The following PCP4 variants were observed in gnomAD, a reference collection of about 807,000 sequenced individuals.
The protein encoded by PCP4 is calmodulin regulator protein PCP4.
Under a neutral mutation model 10.0 loss-of-function variants are expected in PCP4, and 8 were observed. The observed-to-expected ratio is 0.80, with a 90% CI of 0.47 to 1.45. PCP4 has a LOEUF of 1.45. PCP4 is among the 40% of genes most tolerant of loss of function. The pLI is 0.00. For missense variants in PCP4, 54 were observed against 74.4 expected (o/e 0.73, Z 1.01); for synonymous variants, 21 against 23.0 (o/e 0.91, Z 0.24).
At position 39,906,352 on chromosome 21, in the gene PCP4, C is replaced by G. The variant is rs1568858199; in HGVS notation, c.61+7825C>G. Among the ~76,000 whole-genome samples the G allele has an allele frequency of 6.6e-6, 1 of 152,218 alleles. No individual in the cohort carries two copies. The highest frequency in any genetic ancestry group is 1.5e-5 in the Non-Finnish European group (1 of 68,042). Reference sequence around the variant, plus strand: ...GGCTACATCTTAGCCAAACCAGAAACTATTGTATCCATAGTACCATTATCC... The same window carrying G: ...GGCTACATCTTAGCCAAACCAGAAAGTATTGTATCCATAGTACCATTATCC... On this transcript the variant is annotated intron_variant, in intron 2 of 2. Coordinates refer to ENST00000328619, the MANE Select transcript of PCP4 (RefSeq NM_006198.3). This position sits in a 1 kb window ranked among gnomAD's most constrained non-coding sequence, Gnocchi z 6.3.
intron 1 of PCP4, among the ~76,000 whole-genome samples, chr21:39,895,869 T>A (rs1231167046): frequency 6.6e-6 from 1 of 152,188 alleles, no homozygotes; most frequent in Non-Finnish European, 1.5e-5. Context: ...TCTTGGAGAA[T>A]TCCCCCTCTG....
chr21:39,869,323 C>T (rs2087308701), intron 1 of PCP4, among the ~76,000 whole-genome samples: 1 of 152,196 alleles, frequency 6.6e-6, no homozygotes, highest in African/African-American at 2.4e-5. Context: ...GCGCGTGTTC[C>T]AGAGCTCACC....
intron 1 of PCP4, among the ~76,000 whole-genome samples, chr21:39,874,661 C>CT (rs10640411): frequency 0.053 from 7,427 of 140,294 alleles, 514 homozygotes; most frequent in African/African-American, 0.15. Flanking sequence ...TTTTCAAGAT[C>CT]TTTTTTTTTT....
At chr21:39,914,261 C>T (rs1254366119) in intron 2 of PCP4, among the ~76,000 whole-genome samples, 1 of 152,130 alleles carries the variant, frequency 6.6e-6, no homozygotes, top group Non-Finnish European at 1.5e-5. Flanking sequence ...CTCCATTTGC[C>T]TTGGCTTCTA....
At chr21:39,895,053 A>G (rs1352186083) in intron 1 of PCP4, among the ~76,000 whole-genome samples, 2 of 151,880 alleles carry the variant, frequency 1.3e-5, no homozygotes, top group East Asian at 1.9e-4. Context: ...CCATCCATCC[A>G]TCCATTCATC....
chr21:39,875,371 G>T (rs1386264967), intron 1 of PCP4, among the ~76,000 whole-genome samples: 1 of 152,052 alleles, frequency 6.6e-6, no homozygotes, highest in Non-Finnish European at 1.5e-5. Flanking sequence ...ATCTCTGAGG[G>T]GTGACAGCAT....
Position 39,929,148 on chromosome 21 carries a change from A to C in PCP4, c.*37A>C. The C allele has an allele frequency of 6.3e-7, 1 of 1,584,348 alleles. No individual in the cohort carries two copies. The highest frequency in any genetic ancestry group is 1.4e-5 in the African/African-American group (1 of 73,580). ...CCTCCTAGTCCACCTGAAAACACCA[A>C]ATTCAACCATCATCTGTCAAGAAAT... On this transcript the variant is annotated 3_prime_UTR_variant, in exon 3 of 3. Coordinates refer to ENST00000328619, the MANE Select transcript of PCP4 (RefSeq NM_006198.3).
intron 2 of PCP4, among the ~76,000 whole-genome samples, chr21:39,926,701 G>T (rs993971876): frequency 6.6e-6 from 1 of 152,208 alleles, no homozygotes; most frequent in African/African-American, 2.4e-5. Flanking sequence ...TTCTGGGTTT[G>T]CTAGACACTT....
At chr21:39,927,311 T>TATCTATCTATCTATCTATCTATCC (rs1568863742) in intron 2 of PCP4, among the ~76,000 whole-genome samples, 1 of 117,398 alleles carries the variant, frequency 8.5e-6, no homozygotes, top group African/African-American at 2.9e-5. Flanking sequence ...TCTATCTATC[T>TATCTATCTATCTATCTATCTATCC]ATCTATCTAT....
At chr21:39,903,799 C>T (rs909576970) in intron 2 of PCP4, among the ~76,000 whole-genome samples, 7 of 139,644 alleles carry the variant, frequency 5.0e-5, no homozygotes, top group African/African-American at 1.1e-4. Flanking sequence ...ACCTGGGAGG[C>T]GGAGCTTGCA....
At chr21:39,909,603 G>A (rs1302567866) in intron 2 of PCP4, among the ~76,000 whole-genome samples, 5 of 151,740 alleles carry the variant, frequency 3.3e-5, no homozygotes, top group South Asian at 2.1e-4. Context: ...GTGGAAATAC[G>A]TATTGATTGG....
chr21:39,896,695 CATTT>C (rs1408538378), intron 1 of PCP4, among the ~76,000 whole-genome samples: 1 of 152,078 alleles, frequency 6.6e-6, no homozygotes, highest in Non-Finnish European at 1.5e-5. Context: ...AAATCTGGAT[CATTT>C]ACTCTATTTA....
intron 2 of PCP4, among the ~76,000 whole-genome samples, chr21:39,908,420 T>C (rs2087523313): frequency 6.6e-6 from 1 of 152,110 alleles, no homozygotes; most frequent in South Asian, 2.1e-4. Flanking sequence ...TGTTCACACC[T>C]CCACCCAGTC....
chr21:39,902,653 C>T (rs373732760), intron 2 of PCP4, among the ~76,000 whole-genome samples: 4 of 152,100 alleles, frequency 2.6e-5, no homozygotes, highest in African/African-American at 4.8e-5. Flanking sequence ...CACTCAAACC[C>T]GATGTTTCTA....
chr21:39,901,714 A>T (rs1315551143), intron 2 of PCP4, among the ~76,000 whole-genome samples: 1 of 152,234 alleles, frequency 6.6e-6, no homozygotes, highest in African/African-American at 2.4e-5. Context: ...TTGGGTAGAA[A>T]AGTGAATTTG....
intron 2 of PCP4, among the ~76,000 whole-genome samples, chr21:39,927,420 A>G (rs2087630449): frequency 6.6e-6 from 1 of 152,004 alleles, no homozygotes; most frequent in African/African-American, 2.4e-5. Context: ...AGCAGGATAG[A>G]ACAGGCAGGC....
intron 1 of PCP4, among the ~76,000 whole-genome samples, chr21:39,869,009 C>T (rs748929287): frequency 2.6e-4 from 39 of 152,166 alleles, no homozygotes; most frequent in Non-Finnish European, 5.3e-4. Flanking sequence ...CTGCTGGACT[C>T]TACAGATATT....
chr21:39,917,693 G>A lies in PCP4; in HGVS notation c.62-11291G>A, dbSNP rs139250506. Among the ~76,000 whole-genome samples the A allele has an allele frequency of 2.5e-3, 384 of 152,244 alleles. 1 individual carries two copies. The highest frequency in any genetic ancestry group is 4.4e-3 in the Non-Finnish European group (302 of 68,020). ...TTGAATTCAAGCTGTCCTTAGTCAA[G>A]CTGTTTCTCATCATACCTCTCTGAT... On this transcript the variant is annotated intron_variant, in intron 2 of 2. Transcript: ENST00000328619.
intron 1 of PCP4, among the ~76,000 whole-genome samples, chr21:39,874,582 A>C (rs57524559): frequency 2.2e-3 from 337 of 152,300 alleles, no homozygotes; most frequent in African/African-American, 7.5e-3. Context: ...TCTTAATCAA[A>C]TAAGAGTAAA....
Sources: gnomAD v4.1 joint callset for allele counts (sites outside exome capture counted in the v4.1 genomes callset) on GRCh38, gnomAD v4.1.1 for gene constraint, Gnocchi (gnomAD v3.1) non-coding constraint, MANE v1.5 for transcripts, NCBI Gene and HGNC (gene_info 2026-07-23, HGNC 2026-07-21) for gene names.